Variants in PCDHGA6 observed in about 807,000 individuals in gnomAD.
The protein encoded by PCDHGA6 is protocadherin gamma subfamily A, 6.
PCDHGA6 carries 41 observed loss-of-function variants against 60.6 expected under a neutral mutation model. The ratio of observed to expected loss-of-function variants is 0.68; its 90% CI spans 0.53 to 0.88. The LOEUF (loss-of-function observed/expected upper bound fraction) is 0.88, where lower values mean the gene tolerates loss of function less well. PCDHGA6 is among the 40% of genes least tolerant of loss of function. PCDHGA6 has a pLI of 0.00. For missense variants in PCDHGA6, 1,312 were observed against 1,203.0 expected, an observed-to-expected ratio of 1.09 and a Z score of -1.34; for synonymous variants, 594 against 524.4, an observed-to-expected ratio of 1.13 and a Z score of -1.81.
At position 141,489,264 on chromosome 5, in the gene PCDHGA6, G is replaced by T. The variant is rs1314393358; in HGVS notation, c.2425-5543G>T. 10 of 1,553,088 alleles carry T rather than the reference G, an allele frequency of 6.4e-6. No individual in the cohort carries two copies. Among genetic ancestry groups the T allele is most frequent in the Non-Finnish European group, 7.0e-6 (8 of 1,149,620 alleles). ...TCATGGGGCCCAAGACACTCCCACA[G>T]CTCGCTGGGAAATGGCAAGTGCTGT... On this transcript the variant is annotated intron_variant, in intron 1 of 3. Transcript: ENST00000517434. The surrounding 1 kb of genome is among the most constrained non-coding windows in gnomAD (Gnocchi z 4.5).
At chr5:141,430,392 A>G (rs2097281137) in intron 1 of PCDHGA6, among the ~76,000 whole-genome samples, 1 of 152,136 alleles carries the variant, frequency 6.6e-6, no homozygotes, top group Non-Finnish European at 1.5e-5. Context: ...GGAAAAAAAA[A>G]AAAAGCTCAC....
Position 141,476,217 on chromosome 5 carries a change from A to G in PCDHGA6, c.2425-18590A>G. On this transcript the variant is annotated intron_variant, in intron 1 of 3. Coordinates refer to ENST00000517434, the MANE Select transcript of PCDHGA6 (RefSeq NM_018919.3). This position sits in a 1 kb window ranked among gnomAD's most constrained non-coding sequence, Gnocchi z 7.6. ...TTGAACAAGGCTTCCACGGTCATTC[A>G]CTATGAGATCCCGGAGGAAAGAGAG... The G allele has an allele frequency of 6.2e-7, 1 of 1,613,836 alleles. No homozygotes were observed. The highest frequency in any genetic ancestry group is 2.2e-5 in the East Asian group (1 of 44,818).
Position 141,431,364 on chromosome 5 carries a change from G to T in PCDHGA6, c.2424+54857G>T, listed in dbSNP as rs773688069. 3 of 1,613,892 alleles carry T rather than the reference G, an allele frequency of 1.9e-6. No individual in the cohort carries two copies. The East Asian group carries it at 6.7e-5, about 36-fold the overall frequency. ...TTGGTGCTGAAACGCGCCCTGGACC[G>T]CGAAGAAAAGGCTGCTCACCACCTG... On this transcript the variant is annotated intron_variant, in intron 1 of 3. Coordinates refer to ENST00000517434, the MANE Select transcript of PCDHGA6 (RefSeq NM_018919.3). The surrounding 1 kb of genome is among the most constrained non-coding windows in gnomAD (Gnocchi z 4.8).
At chr5:141,430,404 A>T (rs1054341813) in intron 1 of PCDHGA6, among the ~76,000 whole-genome samples, 2 of 152,000 alleles carry the variant, frequency 1.3e-5, no homozygotes, top group African/African-American at 4.8e-5. Flanking sequence ...AAAGCTCACT[A>T]AAGTTTCTAT....
At chr5:141,427,856 C>T (rs1487451079) in intron 1 of PCDHGA6, 6 of 1,553,060 alleles carry the variant, frequency 3.9e-6, no homozygotes, top group Non-Finnish European at 5.3e-6. Flanking sequence ...AGCAGCTGTG[C>T]GCCTTCGAGC....
intron 1 of PCDHGA6, chr5:141,394,024 T>C (rs778553318): frequency 6.2e-7 from 1 of 1,613,530 alleles, no homozygotes; most frequent in Non-Finnish European, 8.5e-7. Flanking sequence ...TATTATAGAT[T>C]AGTGACAAGG....
intron 1 of PCDHGA6, among the ~76,000 whole-genome samples, chr5:141,469,671 A>G (rs1285283342): frequency 1.3e-5 from 2 of 152,236 alleles, no homozygotes; most frequent in Non-Finnish European, 2.9e-5. Flanking sequence ...TTCTAATAAA[A>G]CTACATATGC....
At chr5:141,405,018 T>C (rs1413977666) in intron 1 of PCDHGA6, 5 of 1,613,834 alleles carry the variant, frequency 3.1e-6, no homozygotes, top group African/African-American at 2.7e-5. Context: ...GCCTCAGACC[T>C]TACCCTCTAC....
chr5:141,485,587 G>C lies in PCDHGA6; in HGVS notation c.2425-9220G>C. 6.2e-7 allele frequency: 1 copy of C among 1,612,652 alleles called. No individual in the cohort carries two copies. The highest frequency in any genetic ancestry group is 1.7e-5 in the Admixed American group (1 of 59,982). On this transcript the variant is annotated intron_variant, in intron 1 of 3. Coordinates refer to ENST00000517434, the MANE Select transcript of PCDHGA6 (RefSeq NM_018919.3). This position sits in a 1 kb window ranked among gnomAD's most constrained non-coding sequence, Gnocchi z 5.7. ...CCCCCCGTTTTCCGCGGCAGCAGCT[G>C]GACTTGGAAATTGGGGAGGCAGCTC... is the stretch of plus-strand genomic sequence containing the variant.
At chr5:141,466,864 C>G (rs925681539) in intron 1 of PCDHGA6, among the ~76,000 whole-genome samples, 24 of 151,910 alleles carry the variant, frequency 1.6e-4, no homozygotes, top group African/African-American at 5.3e-4. Flanking sequence ...TTTTGAAATC[C>G]ACACATTTTT....
At chr5:141,492,553 G>A (rs1184580300) in intron 1 of PCDHGA6, among the ~76,000 whole-genome samples, 1 of 152,148 alleles carries the variant, frequency 6.6e-6, no homozygotes, top group Non-Finnish European at 1.5e-5. Flanking sequence ...CGGGTCGCCT[G>A]GGGGGCGGCC....
chr5:141,408,431 G>A, intron 1 of PCDHGA6: 1 of 1,614,064 alleles, frequency 6.2e-7, no homozygotes. Flanking sequence ...GCACTTCAGC[G>A]TAGACGCGGA....
rs1304361659 is a variant in PCDHGA6 at position 141,494,859 on chromosome 5, C to T, written c.2477C>T (p.Thr826Ile). 2 of 1,614,134 alleles carry T rather than the reference C, an allele frequency of 1.2e-6. No individual in the cohort carries two copies. The highest frequency in any genetic ancestry group is 8.5e-7 in the Non-Finnish European group (1 of 1,180,012). Reference protein sequence around the residue: ...WRFSQAQRPGTSGSQNGDDTG... With the variant: ...WRFSQAQRPGISGSQNGDDTG... Reference sequence around the variant, plus strand: ...TTCTCTCAGGCCCAGAGACCCGGCACCAGCGGGTAGGTGACTGATTCTCCA... The same window carrying T: ...TTCTCTCAGGCCCAGAGACCCGGCATCAGCGGGTAGGTGACTGATTCTCCA... Residue 826 changes from threonine to isoleucine, a missense_variant, in exon 2 of 4, where the codon ACC becomes ATC. By Grantham distance (89) the Thr-to-Ile change is moderately conservative. Coordinates refer to ENST00000517434, the MANE Select transcript of PCDHGA6 (RefSeq NM_018919.3).
chr5:141,406,434 A>G (rs1203599965), intron 1 of PCDHGA6, among the ~76,000 whole-genome samples: 1 of 152,238 alleles, frequency 6.6e-6, no homozygotes, highest in Non-Finnish European at 1.5e-5. Context: ...TATTGCTTCT[A>G]TTCTTCCATT....
At position 141,375,097 on chromosome 5, in the gene PCDHGA6, G is replaced by T. The variant is rs377388001; in HGVS notation, c.1014G>T (p.Leu338Phe). Residue 338 changes from leucine to phenylalanine, a missense_variant, in exon 1 of 4, where the codon TTG becomes TTT. By Grantham distance (22) the Leu-to-Phe change is conservative. Transcript: ENST00000517434. ...GAGCGAAAGTCTTAATAACTATCTT[G>T]GATGTCAATGATAATGTACCAGAAG... is the stretch of plus-strand genomic sequence containing the variant. ...RDRAKVLITI[L>F]DVNDNVPEVV... The T allele has an allele frequency of 6.2e-7, 1 of 1,613,904 alleles. No homozygotes were observed. Among genetic ancestry groups the T allele is most frequent in the Non-Finnish European group, 8.5e-7 (1 of 1,179,892 alleles).
intron 1 of PCDHGA6, chr5:141,390,870 G>A (rs1003231489): frequency 2.2e-5 from 3 of 134,656 alleles, no homozygotes; most frequent in African/African-American, 9.4e-5. Context: ...GTGTGTGCGT[G>A]TGTGTGTGTG....
At chr5:141,399,095 T>G (rs1342683408) in intron 1 of PCDHGA6, 2 of 1,613,850 alleles carry the variant, frequency 1.2e-6, no homozygotes, top group East Asian at 2.2e-5. Context: ...GGTGGTGGAC[T>G]GGTTGCACAA....
At chr5:141,395,198 A>G (rs2093194899) in intron 1 of PCDHGA6, 1 of 1,613,990 alleles carries the variant, frequency 6.2e-7, no homozygotes, top group Non-Finnish European at 8.5e-7. Flanking sequence ...TAACATCCGT[A>G]GATTTTCATG....
At chr5:141,418,124 C>G (rs762154093) in intron 1 of PCDHGA6, 1 of 1,613,836 alleles carries the variant, frequency 6.2e-7, no homozygotes, top group African/African-American at 1.3e-5. Context: ...TGTGAAGGAC[C>G]GAATAGACCG....
Sources: allele counts gnomAD v4.1 joint callset (sites outside exome capture counted in the v4.1 genomes callset), GRCh38; gene constraint gnomAD v4.1.1; non-coding constraint Gnocchi (gnomAD v3.1); transcripts MANE v1.5; gene names NCBI Gene and HGNC (gene_info 2026-07-23, HGNC 2026-07-21).